Variants in AFG1L observed in about 807,000 individuals in gnomAD.
AFG1L encodes AFG1-like ATPase.
A neutral mutation model predicts 62.2 loss-of-function variants in AFG1L; 53 were observed. The ratio of observed to expected loss-of-function variants is 0.85; its 90% confidence interval spans 0.68 to 1.07. The LOEUF is 1.07. Among genes scored for constraint, AFG1L ranks in the 50% least tolerant of loss-of-function variants. The probability of loss-of-function intolerance (pLI) is 0.00; values close to 1 mark genes in which losing one functional copy is unlikely to be tolerated. For missense variants in AFG1L, 555 were observed against 590.5 expected (o/e 0.94, Z 0.62); for synonymous variants, 228 against 210.3 (o/e 1.08, Z -0.73).
intron 8 of AFG1L, among the ~76,000 whole-genome samples, chr6:108,453,266 C>T (rs1772126681): frequency 6.6e-6 from 1 of 152,148 alleles, no homozygotes; most frequent in South Asian, 2.1e-4. Flanking sequence ...TTTTTAGATA[C>T]AGCCCAAATA....
chr6:108,334,773 G>A (rs191562571), intron 2 of AFG1L, among the ~76,000 whole-genome samples: 1 of 152,206 alleles, frequency 6.6e-6, no homozygotes, highest in African/African-American at 2.4e-5. Flanking sequence ...GTTCTTGAGA[G>A]CCTAGTCCCT....
At chr6:108,384,085 G>A (rs1181318303) in intron 6 of AFG1L, among the ~76,000 whole-genome samples, 4 of 149,328 alleles carry the variant, frequency 2.7e-5, no homozygotes, top group African/African-American at 1.0e-4. Flanking sequence ...AAAAAAGGCT[G>A]GCAGATTCTT....
In AFG1L at chr6:108,441,127, A is replaced by G. The variant is rs114144394; in HGVS notation, c.808-6087A>G. On this transcript the variant is annotated intron_variant, in intron 7 of 12. Transcript: ENST00000368977. ...TTTGCTTAAGAGGTTAGTATGTTATAGTTTTAAAAGATTTTCTCCACAATG... is the reference window on the plus strand; with the variant it reads ...TTTGCTTAAGAGGTTAGTATGTTATGGTTTTAAAAGATTTTCTCCACAATG... Among the ~76,000 whole-genome samples, 984 of 152,300 alleles carry G rather than the reference A, an allele frequency of 6.5e-3. 5 individuals carry two copies. Among genetic ancestry groups the G allele is most frequent in the African/African-American group, 0.019 (806 of 41,576 alleles).
chr6:108,301,531 A>T (rs1404398123), intron 1 of AFG1L, among the ~76,000 whole-genome samples: 1 of 152,240 alleles, frequency 6.6e-6, no homozygotes, highest in Non-Finnish European at 1.5e-5. Context: ...CTCAGTCAGA[A>T]AGCGTTGGTA....
chr6:108,295,065 C>T lies in AFG1L; in HGVS notation c.-15C>T. 1.9e-6 allele frequency: 3 copies of T among 1,610,146 alleles called. No homozygotes were observed. Among genetic ancestry groups the T allele is most frequent in the Non-Finnish European group, 2.5e-6 (3 of 1,179,944 alleles). On this transcript the variant is annotated 5_prime_UTR_variant, in exon 1 of 13. Transcript: ENST00000368977. ...AATAAAGTTTTCCTCTTCCTCTCCT[C>T]GTACGGAGTTCAAGATGGCGGCCTC... is the stretch of plus-strand genomic sequence containing the variant.
chr6:108,429,578 T>C (rs189449948), intron 7 of AFG1L, among the ~76,000 whole-genome samples: 2 of 152,310 alleles, frequency 1.3e-5, no homozygotes, highest in East Asian at 3.9e-4. Flanking sequence ...AAAGATCAGC[T>C]AGATGTAAGC....
intron 2 of AFG1L, among the ~76,000 whole-genome samples, chr6:108,333,102 T>C (rs918189331): frequency 6.6e-6 from 1 of 152,184 alleles, no homozygotes; most frequent in Non-Finnish European, 1.5e-5. Context: ...GGAGAAAAGA[T>C]TTTTCATCAA....
At chr6:108,350,666 C>T (rs1332575428) in intron 3 of AFG1L, among the ~76,000 whole-genome samples, 2 of 152,204 alleles carry the variant, frequency 1.3e-5, no homozygotes, top group Non-Finnish European at 2.9e-5. Context: ...AGCTGGCTTT[C>T]TCACAACAGA....
intron 11 of AFG1L, among the ~76,000 whole-genome samples, chr6:108,510,670 C>T (rs1307094527): frequency 6.6e-6 from 1 of 152,226 alleles, no homozygotes; most frequent in African/African-American, 2.4e-5. Flanking sequence ...ATGATTGCAT[C>T]ATTCTACCAG....
chr6:108,458,811 T>A (rs946139688), intron 8 of AFG1L, among the ~76,000 whole-genome samples: 1 of 152,178 alleles, frequency 6.6e-6, no homozygotes, highest in Non-Finnish European at 1.5e-5. Context: ...TGCTTTTTTT[T>A]TATTGTGTTT....
intron 8 of AFG1L, among the ~76,000 whole-genome samples, chr6:108,468,709 A>T (rs1372225646): frequency 2.0e-5 from 3 of 149,416 alleles, no homozygotes; most frequent in African/African-American, 7.4e-5. Context: ...AATTGAACTG[A>T]ATCTTGTGAA....
At chr6:108,295,304 C>A in intron 1 of AFG1L, 86 bp downstream of exon 1, 1 of 1,448,658 alleles carries the variant, frequency 6.9e-7, no homozygotes, top group Non-Finnish European at 9.2e-7. Context: ...CGATCTACCC[C>A]AGGTGTCTCC....
chr6:108,484,766 G>A (rs1281309494), intron 10 of AFG1L, among the ~76,000 whole-genome samples: 1 of 152,070 alleles, frequency 6.6e-6, no homozygotes, highest in Non-Finnish European at 1.5e-5. Context: ...ATGTACATAA[G>A]TAACTTCTTA....
At chr6:108,356,266 G>A (rs1779284125) in intron 4 of AFG1L, among the ~76,000 whole-genome samples, 1 of 152,186 alleles carries the variant, frequency 6.6e-6, no homozygotes, top group Non-Finnish European at 1.5e-5. Context: ...AATGAATGAA[G>A]TGGACTGGCC....
intron 2 of AFG1L, among the ~76,000 whole-genome samples, chr6:108,336,889 G>A (rs997187048): frequency 4.6e-5 from 7 of 152,058 alleles, no homozygotes; most frequent in Admixed American, 2.6e-4. Flanking sequence ...CACATATAAC[G>A]CCTAACAAGG....
intron 10 of AFG1L, among the ~76,000 whole-genome samples, chr6:108,484,936 T>A (rs1409440801): frequency 1.3e-5 from 2 of 152,200 alleles, no homozygotes; most frequent in Non-Finnish European, 2.9e-5. Flanking sequence ...TGATTTTTTT[T>A]TATATCTTAC....
intron 10 of AFG1L, among the ~76,000 whole-genome samples, chr6:108,489,608 C>T (rs1234931063): frequency 1.3e-5 from 2 of 152,074 alleles, no homozygotes; most frequent in Non-Finnish European, 2.9e-5. Context: ...CGAGGAGGGG[C>T]ATGAACCAGG....
At chr6:108,356,909 A>G (rs955856827) in intron 5 of AFG1L, 89 bp downstream of exon 5, 22 of 1,164,702 alleles carry the variant, frequency 1.9e-5, no homozygotes, top group African/African-American at 3.1e-5. Context: ...TCATTGGTTT[A>G]TAAGGTGATT....
intron 8 of AFG1L, among the ~76,000 whole-genome samples, chr6:108,467,543 C>A (rs1365853770): frequency 6.6e-6 from 1 of 152,146 alleles, no homozygotes; most frequent in Non-Finnish European, 1.5e-5. Context: ...CCACTGGGTA[C>A]TTACATTTTA....
Sources: allele counts gnomAD v4.1 joint callset (sites outside exome capture counted in the v4.1 genomes callset), GRCh38; gene constraint gnomAD v4.1.1; transcripts MANE v1.5; gene names NCBI Gene and HGNC (gene_info 2026-07-23, HGNC 2026-07-21).